Variants in AKAP10 observed in about 807,000 individuals in gnomAD.
AKAP10 encodes the protein A-kinase anchor protein 10, mitochondrial.
Under a neutral mutation model 80.8 loss-of-function variants are expected in AKAP10, and 24 were observed. That is an observed-to-expected ratio of 0.30 (90% CI 0.22 to 0.42). The LOEUF (loss-of-function observed/expected upper bound fraction) is 0.42, where lower values mean the gene tolerates loss of function less well. Ranked by LOEUF, AKAP10 falls within the 10% of genes least tolerant of loss-of-function variation. AKAP10 has a pLI of 1.00. For missense variants in AKAP10, 661 were observed against 794.9 expected, an observed-to-expected ratio of 0.83 and a Z score of 2.03; for synonymous variants, 291 against 277.7, an observed-to-expected ratio of 1.05 and a Z score of -0.48.
intron 12 of AKAP10, among the ~76,000 whole-genome samples, chr17:19,914,579 C>G (rs2042724250): frequency 7.3e-6 from 1 of 136,478 alleles, no homozygotes; most frequent in Admixed American, 8.3e-5. Context: ...GAAGATGAGG[C>G]TGCAGTGAGT....
At position 19,925,041 on chromosome 17, in the gene AKAP10, G is replaced by A. The variant is rs533398360; in HGVS notation, c.1642-524C>T. On this transcript the variant is annotated intron_variant, in intron 10 of 14. Coordinates refer to ENST00000225737, the MANE Select transcript of AKAP10 (RefSeq NM_007202.4). ...TAGCCGGGCATGGTGGTGCATGCCTGTAACCATAGCTACTCTGGAGGCTGA... is the reference window on the plus strand; with the variant it reads ...TAGCCGGGCATGGTGGTGCATGCCTATAACCATAGCTACTCTGGAGGCTGA... Among the ~76,000 whole-genome samples, 157 of 152,238 alleles carry A rather than the reference G, an allele frequency of 1.0e-3. 3 individuals carry two copies. The South Asian group carries it at 0.032, about 31-fold the overall frequency.
chr17:19,920,508 T>C (rs2042798417), intron 11 of AKAP10, among the ~76,000 whole-genome samples: 1 of 152,158 alleles, frequency 6.6e-6, no homozygotes, highest in Non-Finnish European at 1.5e-5. Flanking sequence ...TATACATACA[T>C]CTGTTTATAC....
At chr17:19,912,851 G>T (rs1448113240) in intron 12 of AKAP10, among the ~76,000 whole-genome samples, 1 of 152,180 alleles carries the variant, frequency 6.6e-6, no homozygotes, top group Non-Finnish European at 1.5e-5. Context: ...AGAGGAAGGG[G>T]AGCCGAACTG....
intron 1 of AKAP10, among the ~76,000 whole-genome samples, chr17:19,969,358 T>A (rs2043465775): frequency 6.6e-6 from 1 of 152,072 alleles, no homozygotes; most frequent in African/African-American, 2.4e-5. Flanking sequence ...AAATAAAAGA[T>A]AAAGAATAAT....
rs931614051 is a variant in AKAP10, at chr17:19,962,867, T to A, written c.292A>T (p.Met98Leu). 1 of 1,613,886 alleles carries A rather than the reference T, an allele frequency of 6.2e-7. No individual in the cohort carries two copies. Among genetic ancestry groups the A allele is most frequent in the Admixed American group, 1.7e-5 (1 of 59,988 alleles). ...AGGTCACCAAAATGAGCGGCCTCCA[T>A]GTGGCTTGGCTGCTTCTTAAGTGTG... ...TATLKKQPSHMEAAHFGDLGR... is the reference protein window; with the variant it reads ...TATLKKQPSHLEAAHFGDLGR... The change falls in exon 3 of 15, where the codon ATG becomes TTG. Residue 98 changes from methionine (M) to leucine (L), a missense_variant. Coordinates refer to ENST00000225737, the MANE Select transcript of AKAP10 (RefSeq NM_007202.4).
At chr17:19,961,456 A>G (rs924915735) in intron 3 of AKAP10, among the ~76,000 whole-genome samples, 1 of 152,106 alleles carries the variant, frequency 6.6e-6, no homozygotes, top group Non-Finnish European at 1.5e-5. Flanking sequence ...AAAACTTACA[A>G]TTTTACTCTC....
intron 10 of AKAP10, among the ~76,000 whole-genome samples, chr17:19,925,460 C>T (rs2042865894): frequency 6.6e-6 from 1 of 152,112 alleles, no homozygotes; most frequent in South Asian, 2.1e-4. Context: ...CCTCCTACTC[C>T]CCACCTCCAC....
At chr17:19,946,275 A>ATTTTTTTTTTTTT (rs71157846) in intron 5 of AKAP10, among the ~76,000 whole-genome samples, 1 of 12,932 alleles carries the variant, frequency 7.7e-5, no homozygotes, top group Non-Finnish European at 1.4e-4. Context: ...ATATATATAT[A>ATTTTTTTTTTTTT]TTTTTTTTTT....
intron 1 of AKAP10, among the ~76,000 whole-genome samples, chr17:19,969,752 G>T (rs1480216095): frequency 6.6e-6 from 1 of 152,008 alleles, no homozygotes; most frequent in African/African-American, 2.4e-5. Context: ...CTCAGAAAAG[G>T]CAATGATTTT....
At chr17:19,953,771 TC>T (rs1877314716) in intron 4 of AKAP10, among the ~76,000 whole-genome samples, 1 of 151,242 alleles carries the variant, frequency 6.6e-6, no homozygotes, top group Non-Finnish European at 1.5e-5. Context: ...GTGGCTCACA[TC>T]TATAATCCTA....
intron 4 of AKAP10, among the ~76,000 whole-genome samples, chr17:19,954,426 A>G (rs1234081896): frequency 6.6e-6 from 1 of 152,098 alleles, no homozygotes. Context: ...TAACCCTCAT[A>G]CTTATACGAC....
At chr17:19,941,098 T>A (rs1405426994) in intron 6 of AKAP10, 88 bp from the exon 7 acceptor site, 4 of 1,413,780 alleles carry the variant, frequency 2.8e-6, no homozygotes, top group African/African-American at 1.5e-5. Context: ...ACTGTCCCTA[T>A]TGTATCTTAA....
At position 19,904,401 on chromosome 17, in the gene AKAP10, A is replaced by C. The variant is rs2042612355; in HGVS notation, c.*1826T>G. 1 of 152,212 alleles carries C rather than the reference A, an allele frequency of 6.6e-6. No homozygotes were observed. Among genetic ancestry groups the C allele is most frequent in the African/African-American group, 2.4e-5 (1 of 41,458 alleles). 9.4% of individuals were successfully genotyped at this position (152,212 alleles called of 1,614,324 possible). On this transcript the variant is annotated 3_prime_UTR_variant, in exon 15 of 15. Coordinates refer to ENST00000225737, the MANE Select transcript of AKAP10 (RefSeq NM_007202.4). Reference sequence around the variant, plus strand: ...AAAGAAATGATTAGAATTTATCTTAACTGAAAGCACTAGTTTAAACAGCCT... The same window carrying C: ...AAAGAAATGATTAGAATTTATCTTACCTGAAAGCACTAGTTTAAACAGCCT...
Position 19,958,060 on chromosome 17 carries a change from A to G in AKAP10, c.831T>C (p.Asn277=). Residue 277 remains asparagine, a synonymous_variant, in exon 4 of 15, where the codon AAT becomes AAC. Transcript: ENST00000225737. ...SSSTLTVASR[N]SPASPLKELS... is the part of the protein sequence containing the mutation. The stretch of plus-strand genomic sequence containing the variant: ...ATTCTTTTAGTGGAGAAGCGGGACT[A>G]TTTCTACTGGCTACTGTAAGTGTAG... The G allele has an allele frequency of 6.2e-7, 1 of 1,613,944 alleles. No individual in the cohort carries two copies. The highest frequency in any genetic ancestry group is 8.5e-7 in the Non-Finnish European group (1 of 1,179,954).
rs370871830 is a variant in AKAP10, at chr17:19,906,130, A to G, written c.*97T>C. 408 of 1,320,094 alleles carry G rather than the reference A, an allele frequency of 3.1e-4. No individual in the cohort carries two copies. The highest frequency in any genetic ancestry group is 3.9e-4 in the Non-Finnish European group (363 of 926,304). The allele number at this position is 1,320,094 out of a possible 1,614,324, so 81.8% of individuals were successfully genotyped here. Reference sequence around the variant, plus strand: ...GAAACAACAGTGACAGATCAGAAATATAGTGCTGTTTTCATTGGCTGTGTT... The same window carrying G: ...GAAACAACAGTGACAGATCAGAAATGTAGTGCTGTTTTCATTGGCTGTGTT... On this transcript the variant is annotated 3_prime_UTR_variant, in exon 15 of 15. Coordinates refer to ENST00000225737, the MANE Select transcript of AKAP10 (RefSeq NM_007202.4).
chr17:19,967,583 C>T (rs919988220), intron 2 of AKAP10, among the ~76,000 whole-genome samples: 3 of 152,210 alleles, frequency 2.0e-5, no homozygotes, highest in Non-Finnish European at 4.4e-5. Flanking sequence ...ACACAAGGCT[C>T]AGTAAAAGCC....
At position 19,968,470 on chromosome 17, in the gene AKAP10, TA is replaced by T; in HGVS notation, c.89-10del. The T allele has an allele frequency of 6.2e-7, 1 of 1,612,598 alleles. No individual in the cohort carries two copies. Among genetic ancestry groups the T allele is most frequent in the Non-Finnish European group, 8.5e-7 (1 of 1,178,938 alleles). On this transcript the variant is annotated splice_polypyrimidine_tract_variant and intron_variant, in intron 1 of 14. Coordinates refer to ENST00000225737, the MANE Select transcript of AKAP10 (RefSeq NM_007202.4). ...TTGTTCTTTGCCTTTCACTAGAACA[TA>T]AAAAGATAATTATGACCAACTTTTG...
intron 5 of AKAP10, among the ~76,000 whole-genome samples, chr17:19,944,754 T>C (rs1447206883): frequency 1.3e-5 from 2 of 152,204 alleles, no homozygotes; most frequent in Non-Finnish European, 2.9e-5. Flanking sequence ...CTGTCAGCTG[T>C]ACCTTCAAAG....
At chr17:19,961,758 G>A (rs2043352320) in intron 3 of AKAP10, among the ~76,000 whole-genome samples, 1 of 152,180 alleles carries the variant, frequency 6.6e-6, no homozygotes, top group South Asian at 2.1e-4. Flanking sequence ...TGCATACTGT[G>A]ACTTGCTTTT....
Sources: gnomAD v4.1 joint callset for allele counts (sites outside exome capture counted in the v4.1 genomes callset) on GRCh38, gnomAD v4.1.1 for gene constraint, MANE v1.5 for transcripts, NCBI Gene and HGNC (gene_info 2026-07-23, HGNC 2026-07-21) for gene names.